Variants in ZPBP2 observed in about 807,000 individuals in gnomAD.
The protein encoded by ZPBP2 is zona pellucida binding protein 2, also known as zona pellucida-binding protein 2.
A neutral mutation model predicts 37.5 loss-of-function variants in ZPBP2; 34 were observed. That is an observed-to-expected ratio of 0.91 (90% confidence interval 0.69 to 1.21). ZPBP2 has a LOEUF of 1.21. Among genes scored for constraint, ZPBP2 ranks in the 50% most tolerant of loss-of-function variants. The pLI is 0.00. For missense variants in ZPBP2, 397 were observed against 413.5 expected (o/e 0.96, Z 0.35); for synonymous variants, 143 against 138.4 (o/e 1.03, Z -0.23).
intron 5 of ZPBP2, 101 bp from the exon 6 acceptor site, chr17:39,872,943 A>C: frequency 1.0e-6 from 1 of 955,250 alleles, no homozygotes; most frequent in Non-Finnish European, 1.6e-6. Flanking sequence ...TGGACTAAAC[A>C]TGTGCCTGCA....
intron 3 of ZPBP2, 110 bp downstream of exon 3, chr17:39,870,929 T>TCTTG (rs2144640723): frequency 1.0e-6 from 1 of 954,500 alleles, no homozygotes; most frequent in South Asian, 3.3e-5. Context: ...TGGCAGTTTC[T>TCTTG]CTTGCTCCCT....
chr17:39,875,571 G>A (rs2063385666), intron 7 of ZPBP2, 137 bp downstream of exon 7: 1 of 727,904 alleles, frequency 1.4e-6, no homozygotes, highest in Non-Finnish European at 1.9e-6. Flanking sequence ...TAGCTAAAAG[G>A]AAGTAAAAAT....
intron 2 of ZPBP2, among the ~76,000 whole-genome samples, chr17:39,869,927 C>G (rs1444801818): frequency 6.6e-6 from 1 of 150,654 alleles, no homozygotes; most frequent in African/African-American, 2.4e-5. Flanking sequence ...GTTGGTCAGG[C>G]TGGTATTGAA....
In ZPBP2 at chr17:39,875,305, C is replaced by A; in HGVS notation, c.760C>A (p.His254Asn). 1 of 1,613,830 alleles carries A rather than the reference C, an allele frequency of 6.2e-7. No individual in the cohort carries two copies. The highest frequency in any genetic ancestry group is 8.5e-7 in the Non-Finnish European group (1 of 1,179,888). The change falls in exon 7 of 8, where the codon CAT becomes AAT. Residue 254 changes from histidine (H) to asparagine (N), a missense_variant. His to Asn is a moderately conservative substitution (Grantham distance 68). Transcript: ENST00000348931. ...FFRSQAYIFY[H>N]NFNKTLPAMH... Reference sequence around the variant, plus strand: ...TCGGAGCCAAGCATATATTTTCTACCATAACTTTAATAAAACTCTACCAGC... The same window carrying A: ...TCGGAGCCAAGCATATATTTTCTACAATAACTTTAATAAAACTCTACCAGC...
In ZPBP2 at chr17:39,871,463, G is replaced by A; in HGVS notation, c.245-1G>A. On this transcript the variant is annotated splice_acceptor_variant, in intron 3 of 7. Coordinates refer to ENST00000348931, the MANE Select transcript of ZPBP2 (RefSeq NM_199321.3). LOFTEE classifies it high-confidence loss of function. Reference sequence around the variant, plus strand: ...AATAAGTAATTTACTATTCTGTTTAGGAAATAATAGAATAAATATAACTGA... The same window carrying A: ...AATAAGTAATTTACTATTCTGTTTAAGAAATAATAGAATAAATATAACTGA... 1 of 1,565,988 alleles carries A rather than the reference G, an allele frequency of 6.4e-7. No homozygotes were observed. Among genetic ancestry groups the A allele is most frequent in the Non-Finnish European group, 8.6e-7 (1 of 1,156,758 alleles).
Position 39,876,872 on chromosome 17 carries a change from A to G in ZPBP2, c.*63A>G. The G allele has an allele frequency of 6.3e-7, 1 of 1,597,992 alleles. No homozygotes were observed. The highest frequency in any genetic ancestry group is 1.1e-5 in the South Asian group (1 of 90,098). ...ACATAAGATGATTTTCACATCCCAG[A>G]GCATCATAGATAGTTCCATTAAGTA... On this transcript the variant is annotated 3_prime_UTR_variant, in exon 8 of 8. Coordinates refer to ENST00000348931, the MANE Select transcript of ZPBP2 (RefSeq NM_199321.3).
intron 6 of ZPBP2, 55 bp downstream of exon 6, chr17:39,873,181 G>A: frequency 3.9e-6 from 6 of 1,553,094 alleles, no homozygotes; most frequent in East Asian, 2.3e-5. Context: ...TTTAGAGACA[G>A]GGTGTCACCC....
chr17:39,871,607 T>C lies in ZPBP2; in HGVS notation c.388T>C (p.Tyr130His). The change falls in exon 4 of 8, where the codon TAT becomes CAT. Residue 130 changes from tyrosine to histidine, a missense_variant. Tyr to His is a moderately conservative substitution (Grantham distance 83). Coordinates refer to ENST00000348931, the MANE Select transcript of ZPBP2 (RefSeq NM_199321.3). ...TQEEKTVKKR[Y>H]DFMVFAYREP... is the part of the protein sequence containing the mutation. Reference sequence around the variant, plus strand: ...AGAAGAAAAAACAGTCAAAAAGAGATATGACTTTATGGTCTTTGGTAAGAA... The same window carrying C: ...AGAAGAAAAAACAGTCAAAAAGAGACATGACTTTATGGTCTTTGGTAAGAA... 6.3e-7 allele frequency: 1 copy of C among 1,580,642 alleles called. No individual in the cohort carries two copies. The highest frequency in any genetic ancestry group is 8.6e-7 in the Non-Finnish European group (1 of 1,167,386).
intron 2 of ZPBP2, 46 bp downstream of exon 2, chr17:39,868,660 C>T: frequency 6.2e-7 from 1 of 1,607,306 alleles, no homozygotes; most frequent in Non-Finnish European, 8.5e-7. Context: ...GGGGCCGGAA[C>T]TGCGAAGCTC....
intron 6 of ZPBP2, among the ~76,000 whole-genome samples, chr17:39,874,149 A>G (rs572467993): frequency 6.6e-6 from 1 of 151,350 alleles, no homozygotes; most frequent in South Asian, 2.1e-4. Flanking sequence ...CCACACCCAC[A>G]CCCGGCTAAT....
chr17:39,870,954 T>C (rs1009897499), intron 3 of ZPBP2, 135 bp downstream of exon 3: 42 of 833,012 alleles, frequency 5.0e-5, no homozygotes, highest in Non-Finnish European at 7.0e-5. Flanking sequence ...AGAAAAATCA[T>C]GTTATATTTT....
Position 39,877,330 on chromosome 17 carries a change from T to A in ZPBP2, c.*521T>A, listed in dbSNP as rs1408931446. 6.6e-6 allele frequency: 1 copy of A among 152,356 alleles called. No homozygotes were observed. Among genetic ancestry groups the A allele is most frequent in the African/African-American group, 2.4e-5 (1 of 41,386 alleles). 9.4% of individuals were successfully genotyped at this position (152,356 alleles called of 1,614,324 possible). On this transcript the variant is annotated 3_prime_UTR_variant, in exon 8 of 8. Transcript: ENST00000348931. ...ATAATAGAGCAGATAATATATAGAG[T>A]TCCATACACCCACTGCACCCCATAC...
intron 3 of ZPBP2, 141 bp from the exon 4 acceptor site, chr17:39,871,323 C>A: frequency 3.6e-6 from 2 of 554,812 alleles, no homozygotes; most frequent in East Asian, 3.2e-5. Flanking sequence ...AGTAATATGA[C>A]AGAATTAAGA....
chr17:39,872,605 C>A, intron 5 of ZPBP2, 117 bp downstream of exon 5: 1 of 695,978 alleles, frequency 1.4e-6, no homozygotes, highest in Non-Finnish European at 2.3e-6. Flanking sequence ...GTTTGTTAAG[C>A]ACTAAAGTAT....
intron 5 of ZPBP2, 82 bp downstream of exon 5, chr17:39,872,570 A>G: frequency 1.1e-6 from 1 of 927,346 alleles, no homozygotes; most frequent in Non-Finnish European, 1.5e-6. Flanking sequence ...AATATAAGAT[A>G]TTTTAAAAGT....
chr17:39,875,558 AT>A, intron 7 of ZPBP2, 124 bp downstream of exon 7: 2 of 766,796 alleles, frequency 2.6e-6, no homozygotes, highest in Non-Finnish European at 3.6e-6. Flanking sequence ...ATATATATAT[AT>A]TTAGCTAAAA....
Position 39,868,352 on chromosome 17 carries a change from G to T in ZPBP2, c.-3G>T. 2 of 1,608,976 alleles carry T rather than the reference G, an allele frequency of 1.2e-6. No individual in the cohort carries two copies. The highest frequency in any genetic ancestry group is 1.7e-5 in the Admixed American group (1 of 60,024). On this transcript the variant is annotated 5_prime_UTR_variant, in exon 1 of 8. Transcript: ENST00000348931. ...CGCCTCCTGCGACGCCAGCCCCTGAGCGATGATGCGAACGTGCGTCCTACT... is the reference window on the plus strand; with the variant it reads ...CGCCTCCTGCGACGCCAGCCCCTGATCGATGATGCGAACGTGCGTCCTACT...
intron 6 of ZPBP2, among the ~76,000 whole-genome samples, chr17:39,874,404 C>T (rs1481197155): frequency 6.6e-6 from 1 of 152,050 alleles, no homozygotes; most frequent in Non-Finnish European, 1.5e-5. Flanking sequence ...GCAAATAATT[C>T]AAAACAAGTT....
At chr17:39,871,401 C>A in intron 3 of ZPBP2, 63 bp from the exon 4 acceptor site, 1 of 1,183,124 alleles carries the variant, frequency 8.5e-7, no homozygotes, top group Non-Finnish European at 1.1e-6. Flanking sequence ...TTTGTAACTC[C>A]AAGTGTACTA....
Sources: allele counts gnomAD v4.1 joint callset (sites outside exome capture counted in the v4.1 genomes callset), GRCh38; gene constraint gnomAD v4.1.1; transcripts MANE v1.5; gene names NCBI Gene and HGNC (gene_info 2026-07-23, HGNC 2026-07-21).